ITFG1: variants seen among roughly 807,000 people sequenced by gnomAD.
The protein encoded by ITFG1 is T-cell immunomodulatory protein.
ITFG1 carries 34 observed loss-of-function variants against 81.8 expected under a neutral mutation model. That is an observed-to-expected ratio of 0.42 (90% CI 0.32 to 0.55). ITFG1 has a LOEUF of 0.55. Ranked by LOEUF, ITFG1 falls within the 20% of genes least tolerant of loss-of-function variation. The pLI is 0.17. For missense variants in ITFG1, 672 were observed against 755.4 expected, an observed-to-expected ratio of 0.89 and a Z score of 1.29; for synonymous variants, 285 against 270.6, an observed-to-expected ratio of 1.05 and a Z score of -0.52.
intron 10 of ITFG1, among the ~76,000 whole-genome samples, chr16:47,270,451 G>A (rs1966326223): frequency 1.3e-5 from 2 of 152,118 alleles, no homozygotes. Context: ...AAATTAAAAA[G>A]ACCAACCATA....
At chr16:47,349,543 C>G (rs1344987971) in intron 8 of ITFG1, among the ~76,000 whole-genome samples, 1 of 152,112 alleles carries the variant, frequency 6.6e-6, no homozygotes, top group Non-Finnish European at 1.5e-5. Context: ...AATACAGGAG[C>G]ACCCAGATTC....
At chr16:47,407,842 C>T (rs774021271) in intron 6 of ITFG1, among the ~76,000 whole-genome samples, 6 of 152,030 alleles carry the variant, frequency 3.9e-5, no homozygotes, top group Non-Finnish European at 7.4e-5. Context: ...CATAGTGGGA[C>T]GTCTAGCTTG....
chr16:47,331,999 C>T (rs114254941), intron 8 of ITFG1, among the ~76,000 whole-genome samples: 1,676 of 152,120 alleles, frequency 0.011, 27 homozygotes, highest in African/African-American at 0.039. Flanking sequence ...GTCAAAGCAC[C>T]TTGTCTTTAA....
At chr16:47,442,231 A>G (rs1434962088) in intron 5 of ITFG1, among the ~76,000 whole-genome samples, 1 of 152,190 alleles carries the variant, frequency 6.6e-6, no homozygotes, top group Non-Finnish European at 1.5e-5. Context: ...GGAACAATCA[A>G]TATCGTGAAA....
intron 10 of ITFG1, among the ~76,000 whole-genome samples, chr16:47,270,644 T>C (rs1428300875): frequency 6.6e-6 from 1 of 152,246 alleles, no homozygotes; most frequent in Non-Finnish European, 1.5e-5. Context: ...AGACCTGATA[T>C]AGATCTAATT....
rs766680267 is a variant in ITFG1, at chr16:47,459,189, A to G, written c.209-14T>C. 1 of 1,513,238 alleles carries G rather than the reference A, an allele frequency of 6.6e-7. No homozygotes were observed. The highest frequency in any genetic ancestry group is 1.1e-5 in the South Asian group (1 of 88,904). 93.7% of individuals were successfully genotyped at this position (1,513,238 alleles called of 1,614,324 possible). On this transcript the variant is annotated splice_polypyrimidine_tract_variant and intron_variant, in intron 1 of 17. Coordinates refer to ENST00000320640, the MANE Select transcript of ITFG1 (RefSeq NM_030790.5). ...TTAAGTCATTTCCTAAAGAAAACAA[A>G]TATATGATATTAGAAAAATGTTTGT... is the stretch of plus-strand genomic sequence containing the variant.
At chr16:47,298,934 G>C (rs1339342108) in intron 10 of ITFG1, among the ~76,000 whole-genome samples, 2 of 152,042 alleles carry the variant, frequency 1.3e-5, no homozygotes, top group African/African-American at 4.8e-5. Flanking sequence ...CTTCTCTCTA[G>C]GATGGGGTGG....
At chr16:47,405,204 T>C (rs937678812) in intron 6 of ITFG1, among the ~76,000 whole-genome samples, 2 of 152,170 alleles carry the variant, frequency 1.3e-5, no homozygotes, top group South Asian at 2.1e-4. Flanking sequence ...AGAATACACA[T>C]AGAAGATCAA....
intron 13 of ITFG1, among the ~76,000 whole-genome samples, chr16:47,237,028 G>C (rs533392254): frequency 6.6e-6 from 1 of 152,136 alleles, no homozygotes; most frequent in Non-Finnish European, 1.5e-5. Context: ...GGCTCAGTTC[G>C]GGCCACATTT....
At position 47,395,728 on chromosome 16, in the gene ITFG1, C is replaced by T. The variant is rs111418179; in HGVS notation, c.656-19788G>A. ...AGTAAGAGCCGAGTATTTACCGGCA[C>T]CATATACTGTTTTTAAATGGAGTTT... On this transcript the variant is annotated intron_variant, in intron 6 of 17. Transcript: ENST00000320640. Among the ~76,000 whole-genome samples the T allele has an allele frequency of 2.1e-3, 313 of 152,212 alleles. 4 individuals carry two copies. The highest frequency in any genetic ancestry group is 7.2e-3 in the African/African-American group (298 of 41,546).
At chr16:47,438,949 C>T (rs1333087454) in intron 5 of ITFG1, among the ~76,000 whole-genome samples, 4 of 151,996 alleles carry the variant, frequency 2.6e-5, no homozygotes, top group Non-Finnish European at 5.9e-5. Context: ...AAAAATTAGA[C>T]GAATGGATAA....
chr16:47,450,453 G>T (rs1207723410), intron 5 of ITFG1: 1 of 412,948 alleles, frequency 2.4e-6, no homozygotes, highest in East Asian at 8.8e-5. Context: ...GGGTGGTATG[G>T]CTGTAAACCA....
chr16:47,371,863 G>A (rs1968258852), intron 7 of ITFG1, among the ~76,000 whole-genome samples: 1 of 150,850 alleles, frequency 6.6e-6, no homozygotes, highest in South Asian at 2.1e-4. Flanking sequence ...TGCCAACGCT[G>A]AAAAATTCTG....
intron 13 of ITFG1, among the ~76,000 whole-genome samples, chr16:47,237,685 T>C (rs1371089498): frequency 6.6e-6 from 1 of 152,168 alleles, no homozygotes; most frequent in Non-Finnish European, 1.5e-5. Context: ...TAAACAAGTG[T>C]AATGAAATAT....
chr16:47,287,691 C>A (rs1340232515), intron 10 of ITFG1, among the ~76,000 whole-genome samples: 1 of 152,160 alleles, frequency 6.6e-6, no homozygotes, highest in Admixed American at 6.5e-5. Context: ...GTGTGTGCCA[C>A]CATACCAGGG....
At chr16:47,458,604 A>G (rs1398770138) in intron 2 of ITFG1, among the ~76,000 whole-genome samples, 1 of 152,192 alleles carries the variant, frequency 6.6e-6, no homozygotes, top group Non-Finnish European at 1.5e-5. Context: ...AAAGAAAAAT[A>G]ACTATTACTT....
chr16:47,356,755 TAC>T (rs1412239574), intron 8 of ITFG1, among the ~76,000 whole-genome samples: 1 of 152,174 alleles, frequency 6.6e-6, no homozygotes, highest in Admixed American at 6.5e-5. Flanking sequence ...ATGGGGCATT[TAC>T]ACAGAGTGAA....
At chr16:47,245,671 A>G (rs1965992685) in intron 12 of ITFG1, among the ~76,000 whole-genome samples, 1 of 152,220 alleles carries the variant, frequency 6.6e-6, no homozygotes, top group Admixed American at 6.5e-5. Flanking sequence ...ATACACAATG[A>G]AACTATTCTC....
chr16:47,246,854 A>T lies in ITFG1; in HGVS notation c.1331-8846T>A, dbSNP rs189421761. Among the ~76,000 whole-genome samples the T allele has an allele frequency of 7.2e-5, 11 of 152,200 alleles. No homozygotes were observed. The East Asian group carries it at 2.1e-3, about 29-fold the overall frequency. ...GTCTCACTCTGTTGCCCACGCTGAA[A>T]TGCAGTGGCACCATCTTGGCACACT... On this transcript the variant is annotated intron_variant, in intron 12 of 17. Transcript: ENST00000320640.
Sources: gnomAD v4.1 joint callset for allele counts (sites outside exome capture counted in the v4.1 genomes callset) on GRCh38, gnomAD v4.1.1 for gene constraint, MANE v1.5 for transcripts, NCBI Gene and HGNC (gene_info 2026-07-23, HGNC 2026-07-21) for gene names.